Variants in TOPAZ1 observed in about 807,000 individuals in gnomAD.
TOPAZ1 encodes protein TOPAZ1.
Under a neutral mutation model 172.2 loss-of-function variants are expected in TOPAZ1, and 66 were observed. The observed-to-expected ratio is 0.38, with a 90% CI of 0.31 to 0.47. TOPAZ1 has a LOEUF of 0.47. TOPAZ1 is among the 20% of genes least tolerant of loss of function. TOPAZ1 has a pLI of 0.99. For synonymous variants in TOPAZ1, 681 were observed against 683.9 expected (o/e 1.00, Z 0.07); for missense variants, 1,822 against 1,972.4 (o/e 0.92, Z 1.44).
chr3:44,279,770 A>G (rs1235408630), intron 8 of TOPAZ1, among the ~76,000 whole-genome samples: 5 of 152,092 alleles, frequency 3.3e-5, no homozygotes, highest in East Asian at 1.9e-4. Flanking sequence ...CATTTAGCCA[A>G]TCTATATCTT....
In TOPAZ1 at chr3:44,243,299, C is replaced by T. The variant is rs549655953; in HGVS notation, c.793C>T (p.Leu265Phe). 1,017 of 1,551,362 alleles carry T rather than the reference C, an allele frequency of 6.6e-4. 1 individual carries two copies. The highest frequency in any genetic ancestry group is 8.2e-4 in the Non-Finnish European group (942 of 1,146,910). ...AGAAAATTTCTCAAAGAAAGAAAAC[C>T]TTAGGAGTCTTGCAGAGAAGAGTGA... ...VAENFSKKEN[L>F]RSLAEKSDTN... The change falls in exon 2 of 20, where the codon CTT becomes TTT. Residue 265 changes from leucine to phenylalanine, a missense_variant. Physicochemically the swap from Leu to Phe is conservative, Grantham distance 22 (BLOSUM62 0). Transcript: ENST00000309765.
chr3:44,333,087 G>C (rs1421255628), downstream of TOPAZ1, among the ~76,000 whole-genome samples: 27 of 151,248 alleles, frequency 1.8e-4, no homozygotes, highest in Admixed American at 1.8e-3. Flanking sequence ...GCCTCCCAAA[G>C]TGCTGGGATT....
intron 16 of TOPAZ1, among the ~76,000 whole-genome samples, chr3:44,314,148 C>T (rs1244386546): frequency 6.6e-6 from 1 of 152,110 alleles, no homozygotes; most frequent in Admixed American, 6.6e-5. Flanking sequence ...AGGATGGTCT[C>T]AATCTCCTGA....
At chr3:44,270,912 G>A in intron 8 of TOPAZ1, 102 bp downstream of exon 8, 1 of 1,072,670 alleles carries the variant, frequency 9.3e-7, no homozygotes, top group African/African-American at 1.6e-5. Flanking sequence ...ATAGATGTGA[G>A]TTTTGCCTGC....
At chr3:44,272,498 A>C (rs2125687421) in intron 8 of TOPAZ1, among the ~76,000 whole-genome samples, 1 of 152,250 alleles carries the variant, frequency 6.6e-6, no homozygotes, top group Non-Finnish European at 1.5e-5. Flanking sequence ...CTGATTCATG[A>C]TGTTGAGCCT....
At chr3:44,247,575 AT>A (rs1334243861) in intron 2 of TOPAZ1, among the ~76,000 whole-genome samples, 2 of 152,144 alleles carry the variant, frequency 1.3e-5, no homozygotes, top group African/African-American at 4.8e-5. Context: ...AACTCCAATG[AT>A]TCTCATTATT....
chr3:44,319,502 C>T (rs1052135564), intron 16 of TOPAZ1, among the ~76,000 whole-genome samples: 4 of 152,020 alleles, frequency 2.6e-5, no homozygotes, highest in Non-Finnish European at 5.9e-5. Flanking sequence ...AATAATTGAA[C>T]TTATTCAATC....
intron 16 of TOPAZ1, among the ~76,000 whole-genome samples, chr3:44,312,069 G>A (rs1179227362): frequency 6.6e-6 from 1 of 151,604 alleles, no homozygotes; most frequent in African/African-American, 2.4e-5. Flanking sequence ...TAAATTATCT[G>A]GAATATTTTG....
In TOPAZ1 at chr3:44,242,411, T is replaced by C. The variant is rs1699495802; in HGVS notation, c.346+12T>C. The C allele has an allele frequency of 6.4e-7, 1 of 1,551,880 alleles. No homozygotes were observed. The highest frequency in any genetic ancestry group is 2.0e-5 in the Admixed American group (1 of 50,944). ...AACGGAAAGACACAGTAAGAAAGCATCCACGATCACTTACCTTTAGCCCTT... is the reference window on the plus strand; with the variant it reads ...AACGGAAAGACACAGTAAGAAAGCACCCACGATCACTTACCTTTAGCCCTT... On this transcript the variant is annotated intron_variant, in intron 1 of 19. Coordinates refer to ENST00000309765, the MANE Select transcript of TOPAZ1 (RefSeq NM_001145030.2).
chr3:44,281,647 C>A (rs78916520), intron 8 of TOPAZ1, among the ~76,000 whole-genome samples: 1 of 152,118 alleles, frequency 6.6e-6, no homozygotes, highest in Admixed American at 6.6e-5. Context: ...ATCTTTTCCC[C>A]GCTACACTAC....
In TOPAZ1 at chr3:44,325,805, A is replaced by G. The variant is rs1262283823; in HGVS notation, c.4676-2445A>G. On this transcript the variant is annotated intron_variant, in intron 18 of 19. Coordinates refer to ENST00000309765, the MANE Select transcript of TOPAZ1 (RefSeq NM_001145030.2). ...ATTACAGGCACATATCACCATGCGCAGCTAATTTTGTATTTTTAGTAGAGA... is the reference window on the plus strand; with the variant it reads ...ATTACAGGCACATATCACCATGCGCGGCTAATTTTGTATTTTTAGTAGAGA... Among the ~76,000 whole-genome samples, 8 of 152,182 alleles carry G rather than the reference A, an allele frequency of 5.3e-5. No individual in the cohort carries two copies. The South Asian group carries it at 1.5e-3, about 28-fold the overall frequency.
intron 16 of TOPAZ1, among the ~76,000 whole-genome samples, chr3:44,319,350 A>G (rs1700485435): frequency 6.6e-6 from 1 of 152,226 alleles, no homozygotes. Context: ...CTCCTAAAAT[A>G]CCATATATAC....
At chr3:44,312,001 C>CAAA (rs1700402100) in intron 16 of TOPAZ1, among the ~76,000 whole-genome samples, 1 of 151,724 alleles carries the variant, frequency 6.6e-6, no homozygotes, top group Non-Finnish European at 1.5e-5. Flanking sequence ...TTACTAATTC[C>CAAA]ATTTCTAAGA....
chr3:44,260,556 G>A (rs1461611835), intron 4 of TOPAZ1, among the ~76,000 whole-genome samples: 1 of 151,762 alleles, frequency 6.6e-6, no homozygotes, highest in Non-Finnish European at 1.5e-5. Flanking sequence ...TTTATCTTAG[G>A]GGAAGGAATA....
chr3:44,294,102 T>C (rs965805264), intron 12 of TOPAZ1, among the ~76,000 whole-genome samples: 1 of 152,062 alleles, frequency 6.6e-6, no homozygotes, highest in African/African-American at 2.4e-5. Flanking sequence ...CAGCCAGTTG[T>C]AGTGGTGCAC....
intron 16 of TOPAZ1, among the ~76,000 whole-genome samples, chr3:44,312,497 A>C (rs1008626871): frequency 1.3e-4 from 20 of 152,184 alleles, no homozygotes; most frequent in African/African-American, 4.8e-4. Flanking sequence ...CAAAAGATGG[A>C]GTTACATACA....
Position 44,244,061 on chromosome 3 carries a change from C to A in TOPAZ1, c.1555C>A (p.Leu519Ile), listed in dbSNP as rs1264244194. ...TTCCTTGCCAGAATCAAGTTACTTTCTTCGTGGGTCTCAGGAAAGTTGTAG... is the reference window on the plus strand; with the variant it reads ...TTCCTTGCCAGAATCAAGTTACTTTATTCGTGGGTCTCAGGAAAGTTGTAG... Reference protein sequence around the residue: ...KASLPESSYFLRGSQESCRQV... With the variant: ...KASLPESSYFIRGSQESCRQV... The change falls in exon 2 of 20, where the codon CTT becomes ATT. Residue 519 changes from leucine to isoleucine, a missense_variant. This residue lies in a region of TOPAZ1 where 1,489 missense variants were observed against 1,490.8 expected (regional missense o/e 1.00). Coordinates refer to ENST00000309765, the MANE Select transcript of TOPAZ1 (RefSeq NM_001145030.2). 2.6e-6 allele frequency: 4 copies of A among 1,551,762 alleles called. No homozygotes were observed. The highest frequency in any genetic ancestry group is 3.5e-6 in the Non-Finnish European group (4 of 1,146,984).
chr3:44,286,206 C>T (rs1005491734), intron 9 of TOPAZ1, among the ~76,000 whole-genome samples: 3 of 152,000 alleles, frequency 2.0e-5, no homozygotes, highest in Admixed American at 6.6e-5. Context: ...CAGAGCGATA[C>T]TCTGTCTCAA....
intron 15 of TOPAZ1, 118 bp from the exon 16 acceptor site, chr3:44,309,707 C>G: frequency 1.4e-6 from 1 of 731,880 alleles, no homozygotes; most frequent in South Asian, 2.0e-5. Flanking sequence ...AGCAGCTTAA[C>G]AGCCAGCAGT....
Sources: allele counts gnomAD v4.1 joint callset (sites outside exome capture counted in the v4.1 genomes callset), GRCh38; gene constraint gnomAD v4.1.1; regional missense constraint gnomAD v4.1.1; transcripts MANE v1.5; gene names NCBI Gene and HGNC (gene_info 2026-07-23, HGNC 2026-07-21).